PIK3C2G: variants seen among roughly 807,000 people sequenced by gnomAD.
The protein encoded by PIK3C2G is phosphatidylinositol-4-phosphate 3-kinase catalytic subunit type 2 gamma.
A neutral mutation model predicts 181.1 loss-of-function variants in PIK3C2G; 168 were observed. The observed-to-expected ratio is 0.93, with a 90% CI of 0.82 to 1.05. The LOEUF (loss-of-function observed/expected upper bound fraction) is 1.05. PIK3C2G is among the 50% of genes least tolerant of loss of function. The pLI is 0.00. For synonymous variants in PIK3C2G, 573 were observed against 592.2 expected (o/e 0.97, Z 0.47); for missense variants, 1,869 against 1,732.8 (o/e 1.08, Z -1.40).
rs148438187 is a variant in PIK3C2G at position 18,252,417 on chromosome 12, T to G, written c.-79+4335T>G. On this transcript the variant is annotated intron_variant, in intron 1 of 11. Transcript: ENST00000535651. ...TGTGGAGGAGAAAAACTAATATCTTTTCCTCACCTATCACAAGGCTCATAG... is the reference window on the plus strand; with the variant it reads ...TGTGGAGGAGAAAAACTAATATCTTGTCCTCACCTATCACAAGGCTCATAG... Among the ~76,000 whole-genome samples the G allele has an allele frequency of 1.2e-3, 178 of 152,292 alleles. 1 individual carries two copies. The highest frequency in any genetic ancestry group is 2.1e-3 in the Non-Finnish European group (144 of 67,994).
chr12:18,372,357 T>C (rs1308910131), intron 13 of PIK3C2G, among the ~76,000 whole-genome samples: 1 of 152,136 alleles, frequency 6.6e-6, no homozygotes, highest in East Asian at 1.9e-4. Context: ...AGGCAATCAA[T>C]ACAAGTTTGT....
intron 29 of PIK3C2G, among the ~76,000 whole-genome samples, chr12:18,592,239 A>T (rs544921432): frequency 6.6e-6 from 1 of 152,002 alleles, no homozygotes; most frequent in South Asian, 2.1e-4. Flanking sequence ...AGGATACATT[A>T]GAGTAATAAG....
chr12:18,292,227 AATATATATATAT>A (rs1555149102), intron 4 of PIK3C2G, among the ~76,000 whole-genome samples: 8 of 48,750 alleles, frequency 1.6e-4, no homozygotes, highest in Non-Finnish European at 2.7e-4. Context: ...AAAAAAAAAA[AATATATATATAT>A]ATATATATAT....
the PIK3C2G span, chr12:18,705,103 A>G: frequency 5.7e-6 from 9 of 1,579,338 alleles, no homozygotes; most frequent in African/African-American, 4.0e-5. Flanking sequence ...ACAGGCCAAT[A>G]TAACAGTGAC....
intron 30 of PIK3C2G, among the ~76,000 whole-genome samples, chr12:18,602,612 C>T (rs1041624419): frequency 6.6e-6 from 1 of 152,112 alleles, no homozygotes; most frequent in Non-Finnish European, 1.5e-5. Context: ...AGGACCCCCA[C>T]AGAGTCTATT....
chr12:18,298,100 A>ATAC (rs1950017722), intron 5 of PIK3C2G, among the ~76,000 whole-genome samples: 2 of 152,074 alleles, frequency 1.3e-5, no homozygotes, highest in East Asian at 3.9e-4. Context: ...CAAAATCTCC[A>ATAC]TACTGTTTTC....
rs370262872 is a variant in PIK3C2G, at chr12:18,314,059, C to T, written c.1132C>T (p.Arg378Ter). The T allele has an allele frequency of 3.0e-5, 46 of 1,521,288 alleles. No homozygotes were observed. The East Asian group carries it at 5.6e-4, about 18-fold the overall frequency. The allele number at this position is 1,521,288 out of a possible 1,614,324, so 94.2% of individuals were successfully genotyped here. ...KSREAPGKLSRKHEEDHSQFY... is the reference protein window; with the variant it reads ...KSREAPGKLS ...TAGGGAAGCTCCAGGAAAGCTATCT[C>T]GAAAGGTAAGACTTTCTTAGCATTG... Residue 378 changes from arginine to a stop codon, truncating the protein, a stop_gained, in exon 6 of 33, where the codon CGA becomes TGA. Transcript: ENST00000538779. LOFTEE classifies it high-confidence loss of function.
rs575434798 is a variant in PIK3C2G at position 18,316,270 on chromosome 12, T to C, written c.1137+2206T>C. Among the ~76,000 whole-genome samples, 45 of 152,246 alleles carry C rather than the reference T, an allele frequency of 3.0e-4. 2 individuals carry two copies. The highest frequency in any genetic ancestry group is 1.1e-3 in the African/African-American group (44 of 41,552). ...AATGTCAGCAAGCGCAGTTACATAG[T>C]GTAGCTGACTCCGTCAATATTAAAC... On this transcript the variant is annotated intron_variant, in intron 6 of 32. Transcript: ENST00000538779.
rs11285609 is a variant in PIK3C2G, at chr12:18,641,743, C to CTTTTTTTTTTTTTT, written c.4308+1196_4308+1209dup. On this transcript the variant is annotated intron_variant, in intron 32 of 32. Transcript: ENST00000538779. ...AAAACCCTGGCTTCTCTCTCTCAAG[C>CTTTTTTTTTTTTTT]TTTTTTTTTTTTTTTTTTTTGAGAT... 2.4e-3 allele frequency among the ~76,000 whole-genome samples: 225 copies of CTTTTTTTTTTTTTT among 93,168 alleles called. 24 individuals carry two copies. Among genetic ancestry groups the CTTTTTTTTTTTTTT allele is most frequent in the African/African-American group, 9.1e-3 (185 of 20,336 alleles). 61.1% of individuals were successfully genotyped at this position (93,168 alleles called of 152,430 possible).
intron 8 of PIK3C2G, among the ~76,000 whole-genome samples, chr12:18,329,775 C>G (rs987914951): frequency 1.3e-5 from 2 of 151,928 alleles, no homozygotes; most frequent in African/African-American, 2.4e-5. Context: ...GATGTTTTAC[C>G]TTTTACCCAT....
chr12:18,714,329 A>T, the PIK3C2G span, among the ~76,000 whole-genome samples: 1 of 152,230 alleles, frequency 6.6e-6, no homozygotes, highest in African/African-American at 2.4e-5. Context: ...AGCAACACTA[A>T]CATAAGGCAA....
chr12:18,580,136 A>G (rs1946423084), intron 29 of PIK3C2G, among the ~76,000 whole-genome samples: 1 of 152,026 alleles, frequency 6.6e-6, no homozygotes, highest in Non-Finnish European at 1.5e-5. Flanking sequence ...TGTCTCAAAA[A>G]AAAAAAAAAG....
chr12:18,306,925 T>C (rs928708381), intron 5 of PIK3C2G, among the ~76,000 whole-genome samples: 10 of 151,710 alleles, frequency 6.6e-5, no homozygotes, highest in Admixed American at 5.9e-4. Context: ...ACTTCTTACA[T>C]GTAAGAATAA....
chr12:18,289,136 A>T (rs1440371080), intron 3 of PIK3C2G, among the ~76,000 whole-genome samples: 1 of 152,202 alleles, frequency 6.6e-6, no homozygotes, highest in Non-Finnish European at 1.5e-5. Context: ...AAAAATAAGT[A>T]TGTTTGAGGA....
At chr12:18,605,747 T>C (rs779907913) in intron 30 of PIK3C2G, among the ~76,000 whole-genome samples, 3 of 152,160 alleles carry the variant, frequency 2.0e-5, no homozygotes, top group Non-Finnish European at 2.9e-5. Flanking sequence ...CTTGAACATA[T>C]TAAGCTATTC....
rs764751850 is a variant in PIK3C2G at position 18,346,815 on chromosome 12, T to A, written c.1604T>A (p.Ile535Asn). Reference protein sequence around the residue: ...LSFTVYAAHNIPETWVHSYKA... With the variant: ...LSFTVYAAHNNPETWVHSYKA... Reference sequence around the variant, plus strand: ...TTCACAGTGTATGCAGCACACAACATTCCAGAAACCTGGGTGCACAGGTGA... The same window carrying A: ...TTCACAGTGTATGCAGCACACAACAATCCAGAAACCTGGGTGCACAGGTGA... Residue 535 changes from isoleucine (I) to asparagine (N), a missense_variant, in exon 11 of 33, where the codon ATT becomes AAT. Physicochemically the swap from Ile to Asn is moderately radical, Grantham distance 149. Coordinates refer to ENST00000538779, the MANE Select transcript of PIK3C2G (RefSeq NM_001288772.2). 2 of 1,611,512 alleles carry A rather than the reference T, an allele frequency of 1.2e-6. No individual in the cohort carries two copies. The highest frequency in any genetic ancestry group is 1.7e-6 in the Non-Finnish European group (2 of 1,178,698).
intron 24 of PIK3C2G, among the ~76,000 whole-genome samples, chr12:18,537,314 G>C (rs1419952738): frequency 6.6e-6 from 1 of 152,038 alleles, no homozygotes; most frequent in Admixed American, 6.6e-5. Context: ...CACCAAATTA[G>C]TGTCAAATTG....
At chr12:18,497,234 C>T (rs1194815073) in intron 21 of PIK3C2G, among the ~76,000 whole-genome samples, 1 of 152,014 alleles carries the variant, frequency 6.6e-6, no homozygotes, top group African/African-American at 2.4e-5. Flanking sequence ...TATGACATAC[C>T]AAATAATGTT....
chr12:18,550,973 A>G (rs1944698744), intron 26 of PIK3C2G, among the ~76,000 whole-genome samples: 1 of 152,084 alleles, frequency 6.6e-6, no homozygotes. Flanking sequence ...TGAACAACCC[A>G]AGATTTTTCC....
Sources: allele counts gnomAD v4.1 joint callset (sites outside exome capture counted in the v4.1 genomes callset), GRCh38; gene constraint gnomAD v4.1.1; transcripts MANE v1.5; gene names NCBI Gene and HGNC (gene_info 2026-07-23, HGNC 2026-07-21).